The following DTNB variants were observed in gnomAD, a reference collection of about 807,000 sequenced individuals.
DTNB encodes dystrobrevin beta, also known as DTN-B.
Under a neutral mutation model 90.7 loss-of-function variants are expected in DTNB, and 63 were observed. The ratio of observed to expected loss-of-function variants is 0.69; its 90% CI spans 0.57 to 0.86. DTNB has a LOEUF of 0.86. Among genes scored for constraint, DTNB ranks in the 40% least tolerant of loss-of-function variants. The probability of loss-of-function intolerance (pLI) is 0.00; values close to 1 mark genes in which losing one functional copy is unlikely to be tolerated. For synonymous variants in DTNB, 277 were observed against 286.7 expected, an observed-to-expected ratio of 0.97 and a Z score of 0.34; for missense variants, 744 against 807.1, an observed-to-expected ratio of 0.92 and a Z score of 0.95.
At chr2:25,448,582 C>CGGT (rs1558568317) in intron 12 of DTNB, among the ~76,000 whole-genome samples, 1 of 152,150 alleles carries the variant, frequency 6.6e-6, no homozygotes, top group East Asian at 1.9e-4. Context: ...TTGACGGGCG[C>CGGT]GGTGGCTCAC....
At chr2:25,638,214 T>C (rs1362689441) in intron 3 of DTNB, among the ~76,000 whole-genome samples, 5 of 152,108 alleles carry the variant, frequency 3.3e-5, no homozygotes, top group Non-Finnish European at 5.9e-5. Flanking sequence ...TGTCATGGGA[T>C]GGCAGGAGGG....
chr2:25,637,954 C>T (rs1205912331), intron 3 of DTNB, among the ~76,000 whole-genome samples: 1 of 152,158 alleles, frequency 6.6e-6, no homozygotes, highest in Non-Finnish European at 1.5e-5. Flanking sequence ...GACTTGGAAC[C>T]AACTCAAATG....
At chr2:25,508,768 G>C (rs993548567) in intron 9 of DTNB, among the ~76,000 whole-genome samples, 2 of 151,830 alleles carry the variant, frequency 1.3e-5, no homozygotes, top group Non-Finnish European at 2.9e-5. Flanking sequence ...TCCCAACTTC[G>C]GGTGATCCAC....
chr2:25,528,318 T>C (rs552645677), intron 9 of DTNB, among the ~76,000 whole-genome samples: 1 of 152,188 alleles, frequency 6.6e-6, no homozygotes, highest in Non-Finnish European at 1.5e-5. Context: ...ACATACTAAA[T>C]GAATGCTGAA....
At chr2:25,462,193 C>T (rs2061059737) in intron 10 of DTNB, among the ~76,000 whole-genome samples, 1 of 152,200 alleles carries the variant, frequency 6.6e-6, no homozygotes, top group Non-Finnish European at 1.5e-5. Context: ...GTGAGAACTG[C>T]TCTCTAAGAG....
chr2:25,625,551 ATTTTTT>A (rs66586812), intron 4 of DTNB, among the ~76,000 whole-genome samples: 19 of 73,964 alleles, frequency 2.6e-4, no homozygotes, highest in Admixed American at 2.4e-3. Context: ...TAACTCACTC[ATTTTTT>A]TTTTTTTTTT....
intron 12 of DTNB, among the ~76,000 whole-genome samples, chr2:25,434,620 TA>T (rs1381633579): frequency 6.6e-6 from 1 of 152,024 alleles, no homozygotes; most frequent in Non-Finnish European, 1.5e-5. Flanking sequence ...AGCTTTTGGT[TA>T]TTATCTATTG....
At chr2:25,639,222 C>T in intron 2 of DTNB, 128 bp from the exon 3 acceptor site, 1 of 760,256 alleles carries the variant, frequency 1.3e-6, no homozygotes, top group Non-Finnish European at 2.0e-6. Flanking sequence ...AACGGTGGGT[C>T]AATTAAAACA....
intron 14 of DTNB, among the ~76,000 whole-genome samples, chr2:25,428,679 T>C (rs916313570): frequency 1.3e-5 from 2 of 152,096 alleles, no homozygotes. Context: ...GTGATCCACC[T>C]GCCTCAGCCT....
chr2:25,611,956 T>C (rs763397526), intron 4 of DTNB, among the ~76,000 whole-genome samples: 1 of 152,170 alleles, frequency 6.6e-6, no homozygotes, highest in African/African-American at 2.4e-5. Context: ...TTTCTCTCTA[T>C]ACCAAGTAGG....
At chr2:25,467,105 C>T (rs1398336468) in intron 10 of DTNB, among the ~76,000 whole-genome samples, 4 of 152,174 alleles carry the variant, frequency 2.6e-5, no homozygotes, top group Non-Finnish European at 5.9e-5. Context: ...AACTCAAACA[C>T]TAAGCCACAT....
chr2:25,584,072 C>T lies in DTNB; in HGVS notation c.604-3246G>A, dbSNP rs538805826. On this transcript the variant is annotated intron_variant, in intron 6 of 20. Coordinates refer to ENST00000406818, the MANE Select transcript of DTNB (RefSeq NM_021907.5). ...TTTCAGTTTTCTCATCTTTCAAGGG[C>T]TAAAATAGCAGTTCTCAGTGTCATC... Among the ~76,000 whole-genome samples, 21 of 152,316 alleles carry T rather than the reference C, an allele frequency of 1.4e-4. No individual in the cohort carries two copies. In the South Asian group the frequency reaches 4.4e-3, roughly 32 times the overall value.
At position 25,540,473 on chromosome 2, in the gene DTNB, T is replaced by TTTATTA. The variant is rs894658531; in HGVS notation, c.877-8882_877-8877dup. 7.2e-5 allele frequency among the ~76,000 whole-genome samples: 11 copies of TTTATTA among 151,906 alleles called. 1 individual carries two copies. Among genetic ancestry groups the TTTATTA allele is most frequent in the African/African-American group, 2.7e-4 (11 of 41,354 alleles). ...GCATAAAATTCACCATCGCAATCAT[T>TTTATTA]TTATTATTATTATTATTATTTTAGA... is the stretch of plus-strand genomic sequence containing the variant. On this transcript the variant is annotated intron_variant, in intron 8 of 20. Transcript: ENST00000406818.
At chr2:25,631,523 T>C (rs892378033) in intron 3 of DTNB, among the ~76,000 whole-genome samples, 2 of 150,796 alleles carry the variant, frequency 1.3e-5, no homozygotes, top group African/African-American at 4.9e-5. Flanking sequence ...CATTTAGCTA[T>C]GATTGTGTCA....
chr2:25,388,745 T>C (rs1218312033), intron 16 of DTNB: 1 of 198,638 alleles, frequency 5.0e-6, no homozygotes, highest in African/African-American at 2.4e-5. Flanking sequence ...TTCATGTACA[T>C]GTTCTCATTT....
chr2:25,384,008 C>T, intron 18 of DTNB, 119 bp from the exon 19 acceptor site: 2 of 1,573,332 alleles, frequency 1.3e-6, no homozygotes, highest in Admixed American at 1.8e-5. Context: ...CTCCTGGCTG[C>T]AGGCCTCTGA....
At chr2:25,552,028 G>A (rs1388980227) in intron 8 of DTNB, among the ~76,000 whole-genome samples, 1 of 152,054 alleles carries the variant, frequency 6.6e-6, no homozygotes, top group Non-Finnish European at 1.5e-5. Context: ...AATTATTTTT[G>A]GTAGAAAACA....
intron 3 of DTNB, among the ~76,000 whole-genome samples, chr2:25,637,422 A>G (rs1292842445): frequency 2.0e-5 from 3 of 152,234 alleles, no homozygotes; most frequent in Non-Finnish European, 2.9e-5. Flanking sequence ...TGAACAGGCA[A>G]TCTACGGAAT....
At chr2:25,506,226 A>T (rs2072382056) in intron 9 of DTNB, among the ~76,000 whole-genome samples, 1 of 152,220 alleles carries the variant, frequency 6.6e-6, no homozygotes, top group South Asian at 2.1e-4. Flanking sequence ...AATGTTCAAC[A>T]GCAGAGCAGG....
Sources: gnomAD v4.1 joint callset for allele counts (sites outside exome capture counted in the v4.1 genomes callset) on GRCh38, gnomAD v4.1.1 for gene constraint, MANE v1.5 for transcripts, NCBI Gene and HGNC (gene_info 2026-07-23, HGNC 2026-07-21) for gene names.